Variants in STK24 observed in about 807,000 individuals in gnomAD.
The protein encoded by STK24 is serine/threonine-protein kinase 24.
A neutral mutation model predicts 55.6 loss-of-function variants in STK24; 21 were observed. The observed-to-expected ratio is 0.38, with a 90% confidence interval of 0.27 to 0.54. The LOEUF (loss-of-function observed/expected upper bound fraction) is 0.54, where lower values mean the gene tolerates loss of function less well. Among genes scored for constraint, STK24 ranks in the 20% least tolerant of loss-of-function variants. STK24 has a pLI of 0.79. For synonymous variants in STK24, 200 were observed against 215.2 expected, an observed-to-expected ratio of 0.93 and a Z score of 0.62; for missense variants, 383 against 538.4, an observed-to-expected ratio of 0.71 and a Z score of 2.86.
At chr13:98,530,766 G>A (rs1022897914) in intron 1 of STK24, among the ~76,000 whole-genome samples, 7 of 152,186 alleles carry the variant, frequency 4.6e-5, no homozygotes, top group East Asian at 3.8e-4. Flanking sequence ...TGCCGGCAAC[G>A]TGGTGAACTG....
intron 2 of STK24, among the ~76,000 whole-genome samples, chr13:98,506,986 G>A (rs907935888): frequency 2.6e-5 from 4 of 152,172 alleles, no homozygotes; most frequent in Admixed American, 6.5e-5. Flanking sequence ...TGCAAAGGGC[G>A]TGCTGACCTG....
At position 98,555,006 on chromosome 13, in the gene STK24, C is replaced by G. The variant is rs1897247631; in HGVS notation, c.42+21739G>C. Among the ~76,000 whole-genome samples the G allele has an allele frequency of 3.4e-5, 4 of 116,312 alleles. No homozygotes were observed. In the South Asian group the frequency reaches 1.2e-3, roughly 35 times the overall value. 76.3% of individuals were successfully genotyped at this position (116,312 alleles called of 152,430 possible). ...CTCCAGCCTGGGAGGCAGAGCGAGA[C>G]TCCAACTCAAAAAAAAAAAAAAAAA... is the stretch of plus-strand genomic sequence containing the variant. On this transcript the variant is annotated intron_variant, in intron 1 of 10. Transcript: ENST00000539966.
chr13:98,460,079 T>A (rs1320824830), intron 9 of STK24, among the ~76,000 whole-genome samples: 1 of 152,196 alleles, frequency 6.6e-6, no homozygotes, highest in African/African-American at 2.4e-5. Flanking sequence ...GAGAGCAGGC[T>A]GTACACAATG....
At chr13:98,554,362 T>C (rs577977810) in intron 1 of STK24, among the ~76,000 whole-genome samples, 9 of 152,288 alleles carry the variant, frequency 5.9e-5, no homozygotes, top group African/African-American at 2.2e-4. Flanking sequence ...TTACTAAAAT[T>C]ACCTCTGACT....
In STK24 at chr13:98,448,214, A is replaced by G. The variant is rs755563084; in HGVS notation, c.*4959T>C. The G allele has an allele frequency of 2.5e-6, 4 of 1,606,632 alleles. No homozygotes were observed. The highest frequency in any genetic ancestry group is 1.1e-5 in the South Asian group (1 of 90,902). ...AGTCCGTCCAAACAAAAGGTTGACT[A>G]ACTGGCGTTCCCGTGTTGCAGGTGG... On this transcript the variant is annotated 3_prime_UTR_variant, in exon 11 of 11. Transcript: ENST00000539966.
At position 98,449,500 on chromosome 13, in the gene STK24, A is replaced by AAAC. The variant is rs1294771294; in HGVS notation, c.*3670_*3672dup. 1 of 152,382 alleles carries AAAC rather than the reference A, an allele frequency of 6.6e-6. No individual in the cohort carries two copies. Among genetic ancestry groups the AAAC allele is most frequent in the African/African-American group, 2.4e-5 (1 of 41,382 alleles). 9.4% of individuals were successfully genotyped at this position (152,382 alleles called of 1,614,324 possible). On this transcript the variant is annotated 3_prime_UTR_variant, in exon 11 of 11. Transcript: ENST00000539966. The stretch of plus-strand genomic sequence containing the variant: ...CTAAGCCCTTTCTAACGAGAGTCTC[A>AAAC]AACAAGCGGAGGCGAGGGCCAATTC...
chr13:98,451,822 G>A lies in STK24; in HGVS notation c.*1351C>T, dbSNP rs1361047833. Reference sequence around the variant, plus strand: ...AGAGATTTTCCCCCTCGCCAAGCAAGGTCCCACAGCAAACCAAGAAAAACA... The same window carrying A: ...AGAGATTTTCCCCCTCGCCAAGCAAAGTCCCACAGCAAACCAAGAAAAACA... On this transcript the variant is annotated 3_prime_UTR_variant, in exon 11 of 11. Coordinates refer to ENST00000539966, the MANE Select transcript of STK24 (RefSeq NM_001032296.4). 1 of 152,374 alleles carries A rather than the reference G, an allele frequency of 6.6e-6. No individual in the cohort carries two copies. Among genetic ancestry groups the A allele is most frequent in the Non-Finnish European group, 1.5e-5 (1 of 68,156 alleles). The allele number at this position is 152,374 out of a possible 1,614,324, so 9.4% of individuals were successfully genotyped here.
chr13:98,485,654 A>T (rs189496513), intron 2 of STK24, among the ~76,000 whole-genome samples: 6 of 152,352 alleles, frequency 3.9e-5, no homozygotes, highest in African/African-American at 1.4e-4. Flanking sequence ...TTAAACTGTA[A>T]GTTTCTCCCA....
intron 1 of STK24, among the ~76,000 whole-genome samples, chr13:98,521,254 G>A (rs1464910839): frequency 6.6e-6 from 1 of 150,840 alleles, no homozygotes; most frequent in African/African-American, 2.4e-5. Flanking sequence ...TCAATTGGGT[G>A]ATTAATCGAG....
chr13:98,515,949 T>C (rs1463480026), intron 2 of STK24, among the ~76,000 whole-genome samples: 3 of 152,208 alleles, frequency 2.0e-5, no homozygotes, highest in Non-Finnish European at 4.4e-5. Flanking sequence ...GAAAACCACA[T>C]AGAGCACTAT....
chr13:98,470,854 CAAG>C (rs1328171706), intron 5 of STK24, among the ~76,000 whole-genome samples: 1 of 152,198 alleles, frequency 6.6e-6, no homozygotes, highest in Non-Finnish European at 1.5e-5. Flanking sequence ...ACTCTATAAT[CAAG>C]AAGAAAACCA....
rs369441254 is a variant in STK24 at position 98,446,852 on chromosome 13, G to A, written c.*6321C>T. 5.6e-6 allele frequency: 9 copies of A among 1,608,116 alleles called. No individual in the cohort carries two copies. Among genetic ancestry groups the A allele is most frequent in the Middle Eastern group, 1.6e-4 (1 of 6,070 alleles). ...CCCTTCCCACGCACAGGGCCCTGCA[G>A]AAGAGGACCCCCTCTTCCAAACATC... On this transcript the variant is annotated 3_prime_UTR_variant, in exon 11 of 11. Coordinates refer to ENST00000539966, the MANE Select transcript of STK24 (RefSeq NM_001032296.4).
intron 2 of STK24, among the ~76,000 whole-genome samples, chr13:98,492,088 T>C (rs1174793619): frequency 2.3e-4 from 34 of 150,946 alleles, no homozygotes; most frequent in African/African-American, 7.9e-4. Context: ...TGTGTGTGTG[T>C]GTGTGTGTGT....
At position 98,463,783 on chromosome 13, in the gene STK24, C is replaced by T; in HGVS notation, c.837G>A (p.Lys279=). 6.2e-7 allele frequency: 1 copy of T among 1,614,176 alleles called. No individual in the cohort carries two copies. Among genetic ancestry groups the T allele is most frequent in the Non-Finnish European group, 8.5e-7 (1 of 1,180,030 alleles). ...TGAGCTCGGTCAAGTAGGAAGTTTT[C>T]TTTGCATTGCGTAGTATAAACTTGT... ...LKHKFILRNA[K]KTSYLTELID... Residue 279 remains lysine (K), a synonymous_variant, in exon 7 of 11, where the codon AAG becomes AAA. Coordinates refer to ENST00000539966, the MANE Select transcript of STK24 (RefSeq NM_001032296.4).
At chr13:98,568,845 G>T (rs1033380521) in intron 1 of STK24, among the ~76,000 whole-genome samples, 1 of 152,202 alleles carries the variant, frequency 6.6e-6, no homozygotes, top group African/African-American at 2.4e-5. Flanking sequence ...CTCCAGCCTG[G>T]GTGACAGAGC....
intron 1 of STK24, among the ~76,000 whole-genome samples, chr13:98,562,000 AAAG>A (rs1415803067): frequency 6.6e-6 from 1 of 150,542 alleles, no homozygotes; most frequent in African/African-American, 2.4e-5. Context: ...AAAAAAAAAA[AAAG>A]ATGTGACACG....
At chr13:98,552,036 G>A (rs536086712) in intron 1 of STK24, among the ~76,000 whole-genome samples, 171 of 152,288 alleles carry the variant, frequency 1.1e-3, no homozygotes, top group African/African-American at 4.0e-3. Context: ...AGCTCTAAAT[G>A]TACGATAGTG....
rs1203217839 is a variant in STK24, at chr13:98,445,651, C to T, written c.*7522G>A. ...CTTCAGCTTCCGCCTGCTGGCAATG[C>T]ATGGGGTCCTGCGCCCCCATTTCTG... On this transcript the variant is annotated 3_prime_UTR_variant, in exon 11 of 11. Transcript: ENST00000539966. 8 of 154,830 alleles carry T rather than the reference C, an allele frequency of 5.2e-5. No homozygotes were observed. The highest frequency in any genetic ancestry group is 1.0e-4 in the Non-Finnish European group (7 of 69,842). The allele number at this position is 154,830 out of a possible 1,614,324, so 9.6% of individuals were successfully genotyped here.
At chr13:98,461,678 G>T in intron 8 of STK24, 96 bp downstream of exon 8, 1 of 1,538,904 alleles carries the variant, frequency 6.5e-7, no homozygotes, top group Non-Finnish European at 8.9e-7. Context: ...TGCCACAAAG[G>T]ACCCCAGCCG....
Sources: allele counts gnomAD v4.1 joint callset (sites outside exome capture counted in the v4.1 genomes callset), GRCh38; gene constraint gnomAD v4.1.1; transcripts MANE v1.5; gene names NCBI Gene and HGNC (gene_info 2026-07-23, HGNC 2026-07-21).